STK3: variants seen among roughly 807,000 people sequenced by gnomAD.
STK3 encodes serine/threonine kinase 3, also known as serine/threonine-protein kinase 3.
In STK3, 41 loss-of-function variants were observed where a neutral mutation model predicts 58.0. The ratio of observed to expected loss-of-function variants is 0.71; its 90% CI spans 0.55 to 0.92. The LOEUF (loss-of-function observed/expected upper bound fraction) is 0.92. Ranked by LOEUF, STK3 falls within the 40% of genes least tolerant of loss-of-function variation. STK3 has a pLI of 0.00. For synonymous variants in STK3, 170 were observed against 191.0 expected, an observed-to-expected ratio of 0.89 and a Z score of 0.91; for missense variants, 479 against 602.7, an observed-to-expected ratio of 0.79 and a Z score of 2.15.
chr8:98,472,732 T>A (rs1473577313), intron 10 of STK3, among the ~76,000 whole-genome samples: 1 of 152,102 alleles, frequency 6.6e-6, no homozygotes, highest in Non-Finnish European at 1.5e-5. Flanking sequence ...ACATAACATT[T>A]AAAAAAAGAT....
chr8:98,477,801 A>T (rs912732054), intron 10 of STK3, among the ~76,000 whole-genome samples: 5 of 140,220 alleles, frequency 3.6e-5, no homozygotes, highest in Non-Finnish European at 7.5e-5. Flanking sequence ...GTTTCAGGGC[A>T]TCTCAGTCTT....
At chr8:98,494,889 A>G (rs927696442) in intron 10 of STK3, among the ~76,000 whole-genome samples, 4 of 152,174 alleles carry the variant, frequency 2.6e-5, no homozygotes, top group Non-Finnish European at 1.5e-5. Flanking sequence ...CAGGAGCCCA[A>G]CTGTGAAGGG....
At chr8:98,655,748 C>T (rs1448456104) in intron 6 of STK3, among the ~76,000 whole-genome samples, 2 of 152,100 alleles carry the variant, frequency 1.3e-5, no homozygotes, top group African/African-American at 4.8e-5. Flanking sequence ...CTCACCATCA[C>T]TGGCCATCAG....
downstream of STK3, among the ~76,000 whole-genome samples, chr8:98,398,000 C>T (rs1817910159): frequency 6.6e-6 from 1 of 152,158 alleles, no homozygotes; most frequent in African/African-American, 2.4e-5. Context: ...TCATGTAGTT[C>T]TTTATAGCTG....
At chr8:98,652,136 G>A (rs544100127) in intron 6 of STK3, among the ~76,000 whole-genome samples, 191 of 152,250 alleles carry the variant, frequency 1.3e-3, no homozygotes, top group South Asian at 3.9e-3. Flanking sequence ...CGGATCTCTC[G>A]GCAAAACTCT....
chr8:98,928,988 G>A (rs1383335805), intron 1 of STK3, among the ~76,000 whole-genome samples: 1 of 152,224 alleles, frequency 6.6e-6, no homozygotes, highest in Admixed American at 6.5e-5. Context: ...CAAACAGGCC[G>A]GGCATGGTGG....
In STK3 at chr8:98,573,139, C is replaced by T. The variant is rs576271942; in HGVS notation, c.948+6525G>A. ...CATTAAAAAACTGTCAGAAGCCTGA[C>T]AGCCTTTAAGAAAGTTTCAGGAAGG... On this transcript the variant is annotated intron_variant, in intron 8 of 10. Transcript: ENST00000419617. Among the ~76,000 whole-genome samples, 12 of 152,196 alleles carry T rather than the reference C, an allele frequency of 7.9e-5. No individual in the cohort carries two copies. In the South Asian group the frequency reaches 2.5e-3, roughly 32 times the overall value.
the STK3 span, among the ~76,000 whole-genome samples, chr8:98,353,465 T>C: frequency 6.6e-6 from 1 of 152,202 alleles, no homozygotes; most frequent in East Asian, 1.9e-4. Context: ...CACTCCAGCC[T>C]GGGTGACAGA....
chr8:98,358,953 A>G, the STK3 span, among the ~76,000 whole-genome samples: 3 of 152,146 alleles, frequency 2.0e-5, no homozygotes, highest in African/African-American at 7.2e-5. Flanking sequence ...GCACATGCTC[A>G]TGGAATCCAA....
chr8:98,368,784 G>T (rs1306435266), downstream of STK3, among the ~76,000 whole-genome samples: 1 of 152,174 alleles, frequency 6.6e-6, no homozygotes, highest in African/African-American at 2.4e-5. Context: ...CAGCAGACCT[G>T]ATTTCCAGCC....
chr8:98,746,855 T>G (rs1013541795), intron 4 of STK3, among the ~76,000 whole-genome samples: 1 of 151,672 alleles, frequency 6.6e-6, no homozygotes, highest in Non-Finnish European at 1.5e-5. Flanking sequence ...CTGGGCAATA[T>G]AGCCAGACCC....
At chr8:98,460,370 C>T (rs935661903) in intron 10 of STK3, among the ~76,000 whole-genome samples, 4 of 152,198 alleles carry the variant, frequency 2.6e-5, no homozygotes, top group African/African-American at 7.2e-5. Flanking sequence ...TTGGAAGTCA[C>T]TAACTTGCTT....
At chr8:98,872,756 GTCTA>G (rs1302138578) in intron 3 of STK3, among the ~76,000 whole-genome samples, 4 of 151,984 alleles carry the variant, frequency 2.6e-5, no homozygotes, top group Admixed American at 6.6e-5. Context: ...CTTGCTAGTG[GTCTA>G]TCTATTTTGT....
intron 6 of STK3, among the ~76,000 whole-genome samples, chr8:98,696,490 G>A (rs1824946325): frequency 1.3e-5 from 2 of 151,774 alleles, no homozygotes; most frequent in Admixed American, 6.6e-5. Context: ...ATTGGCTGTG[G>A]GTTTGTCATA....
intron 6 of STK3, chr8:98,597,256 G>A: frequency 1.0e-6 from 1 of 984,808 alleles, no homozygotes; most frequent in South Asian, 4.7e-5. Context: ...TACTTGGAAA[G>A]TGATCAAATG....
intron 1 of STK3, among the ~76,000 whole-genome samples, chr8:98,908,256 T>C (rs1304875714): frequency 6.6e-6 from 1 of 152,242 alleles, no homozygotes; most frequent in Non-Finnish European, 1.5e-5. Flanking sequence ...TGTTCTCTTA[T>C]CAACTTTTGA....
chr8:98,580,781 A>G (rs1189237159), intron 7 of STK3, among the ~76,000 whole-genome samples: 1 of 152,186 alleles, frequency 6.6e-6, no homozygotes, highest in Non-Finnish European at 1.5e-5. Context: ...CCCAGCCCTG[A>G]GTTATTTTAA....
chr8:98,596,082 A>G lies in STK3; in HGVS notation c.772T>C (p.Cys258Arg), dbSNP rs756524585. ...CTCTGCTCAGGATTCTTCACCAAACACTTTTTAACAAAATCGGTGAAATCA... is the reference window on the plus strand; with the variant it reads ...CTCTGCTCAGGATTCTTCACCAAACGCTTTTTAACAAAATCGGTGAAATCA... ...SDDFTDFVKKCLVKNPEQRAT... is the reference protein window; with the variant it reads ...SDDFTDFVKKRLVKNPEQRAT... The change falls in exon 7 of 11, where the codon TGT becomes CGT. Residue 258 changes from cysteine (C) to arginine (R), a missense_variant. Physicochemically the swap from Cys to Arg is radical, Grantham distance 180. This residue lies in a region of STK3 where 309 missense variants were observed against 355.7 expected (regional missense o/e 0.87). Transcript: ENST00000419617. The G allele has an allele frequency of 1.2e-6, 2 of 1,613,318 alleles. No homozygotes were observed. Among genetic ancestry groups the G allele is most frequent in the Non-Finnish European group, 1.7e-6 (2 of 1,179,634 alleles).
At chr8:98,406,224 CATTTTATTTTATTTTATTTTATTTT>C (rs56220187) in intron 3 of STK3, among the ~76,000 whole-genome samples, 70,975 of 142,492 alleles carry the variant, frequency 0.5, 18,646 homozygotes, top group Non-Finnish European at 0.58. Flanking sequence ...TCCCCCCAGG[CATTTTATTTTATTTTATTTTATTTT>C]ATTTTATTTT....
Sources: gnomAD v4.1 joint callset for allele counts (sites outside exome capture counted in the v4.1 genomes callset) on GRCh38, gnomAD v4.1.1 for gene constraint, gnomAD v4.1.1 regional missense constraint, MANE v1.5 for transcripts, NCBI Gene and HGNC (gene_info 2026-07-23, HGNC 2026-07-21) for gene names.